Variants in HDAC4 observed in about 807,000 individuals in gnomAD.
The protein encoded by HDAC4 is histone deacetylase 4.
In HDAC4, 16 loss-of-function variants were observed where a neutral mutation model predicts 135.1. The observed-to-expected ratio is 0.12, with a 90% confidence interval of 0.08 to 0.18. HDAC4 has a LOEUF of 0.18. Among genes scored for constraint, HDAC4 ranks in the 10% least tolerant of loss-of-function variants. The probability of loss-of-function intolerance (pLI) is 1.00; values close to 1 mark genes in which losing one functional copy is unlikely to be tolerated. For synonymous variants in HDAC4, 685 were observed against 653.4 expected (o/e 1.05, Z -0.74); for missense variants, 1,143 against 1,511.8 (o/e 0.76, Z 4.05).
intron 1 of HDAC4, among the ~76,000 whole-genome samples, chr2:239,358,241 C>T (rs1371067701): frequency 1.3e-5 from 2 of 152,156 alleles, no homozygotes; most frequent in Non-Finnish European, 2.9e-5. Context: ...CCCAGTGACT[C>T]AGTAATCTGC....
rs1471791923 is a variant in HDAC4, at chr2:239,331,495, C to T, written c.22+21183G>A. On this transcript the variant is annotated intron_variant, in intron 2 of 26. Transcript: ENST00000543185. This position sits in a 1 kb window ranked among gnomAD's most constrained non-coding sequence, Gnocchi z 4.5. ...AATATGCCCAACAGTTATTTTACTG[C>T]AACATAAAGATGAATGCAAGCCTGG... Among the ~76,000 whole-genome samples the T allele has an allele frequency of 6.6e-6, 1 of 152,136 alleles. No homozygotes were observed. Among genetic ancestry groups the T allele is most frequent in the Admixed American group, 6.5e-5 (1 of 15,276 alleles).
At chr2:239,398,025 A>G (rs955394025) in intron 1 of HDAC4, among the ~76,000 whole-genome samples, 39 of 152,320 alleles carry the variant, frequency 2.6e-4, no homozygotes, top group African/African-American at 8.7e-4. Flanking sequence ...TCGGTTCCAC[A>G]GCCCCAAGCT....
At chr2:239,189,373 C>T (rs2044754728) in intron 4 of HDAC4, among the ~76,000 whole-genome samples, 1 of 151,616 alleles carries the variant, frequency 6.6e-6, no homozygotes, top group Non-Finnish European at 1.5e-5. Flanking sequence ...TTTCTTACCG[C>T]ATTTAAATTA....
chr2:239,252,267 C>T (rs561398475), intron 2 of HDAC4, among the ~76,000 whole-genome samples: 1 of 152,324 alleles, frequency 6.6e-6, no homozygotes, highest in Admixed American at 6.5e-5. Flanking sequence ...TCAGTGTGGG[C>T]CTCACCGTCA....
intron 2 of HDAC4, among the ~76,000 whole-genome samples, chr2:239,317,706 G>A (rs1445573098): frequency 6.6e-6 from 1 of 152,186 alleles, no homozygotes; most frequent in African/African-American, 2.4e-5. Context: ...CTCTTTACAG[G>A]AGAAAGTTAA....
chr2:239,180,112 G>C (rs1478770798), intron 4 of HDAC4, among the ~76,000 whole-genome samples: 4 of 152,106 alleles, frequency 2.6e-5, no homozygotes, highest in Admixed American at 1.3e-4. Flanking sequence ...CACATGAGAG[G>C]CCCGAGCCGA....
chr2:239,276,315 C>T (rs912834076), intron 2 of HDAC4, among the ~76,000 whole-genome samples: 1 of 152,218 alleles, frequency 6.6e-6, no homozygotes, highest in Non-Finnish European at 1.5e-5. Context: ...AGTCGTGGTC[C>T]CGCCAACAGA....
intron 1 of HDAC4, among the ~76,000 whole-genome samples, chr2:239,358,437 T>C: frequency 6.6e-6 from 1 of 152,214 alleles, no homozygotes; most frequent in East Asian, 1.9e-4. Flanking sequence ...GCTTACTTTC[T>C]GATTTTACAA....
At chr2:239,263,248 G>C (rs947117406) in intron 2 of HDAC4, among the ~76,000 whole-genome samples, 1 of 150,156 alleles carries the variant, frequency 6.7e-6, no homozygotes, top group Non-Finnish European at 1.5e-5. Flanking sequence ...CAGCCATCCC[G>C]AAGCCCGCCC....
chr2:239,337,433 C>T (rs752547540), intron 2 of HDAC4, among the ~76,000 whole-genome samples: 3 of 152,176 alleles, frequency 2.0e-5, no homozygotes, highest in Non-Finnish European at 4.4e-5. Context: ...CACTGCAAGT[C>T]GGTTATCGCT....
At position 239,400,834 on chromosome 2, in the gene HDAC4, C is replaced by G. The variant is rs1696935969; in HGVS notation, c.-220+144G>C. 6.9e-6 allele frequency: 1 copy of G among 145,938 alleles called. No individual in the cohort carries two copies. Among genetic ancestry groups the G allele is most frequent in the South Asian group, 1.8e-4 (1 of 5,582 alleles). The allele number at this position is 145,938 out of a possible 1,614,324, so 9.0% of individuals were successfully genotyped here. On this transcript the variant is annotated intron_variant, in intron 1 of 26. Coordinates refer to ENST00000543185, the MANE Select transcript of HDAC4 (RefSeq NM_001378414.1). This position sits in a 1 kb window ranked among gnomAD's most constrained non-coding sequence, Gnocchi z 4.7. ...CGCGGCCACGGCGCCGCCGGGGGCC[C>G]AGGCTGGGAGGCTGTTCGGGCGGCG... is the stretch of plus-strand genomic sequence containing the variant.
At chr2:239,294,727 G>A (rs1215134561) in intron 2 of HDAC4, among the ~76,000 whole-genome samples, 1 of 151,832 alleles carries the variant, frequency 6.6e-6, no homozygotes, top group Non-Finnish European at 1.5e-5. Flanking sequence ...CGGAGGCCTC[G>A]GAGGCAGCAC....
At chr2:239,215,005 C>CA (rs917702145) in intron 3 of HDAC4, among the ~76,000 whole-genome samples, 1 of 152,190 alleles carries the variant, frequency 6.6e-6, no homozygotes, top group Non-Finnish European at 1.5e-5. Flanking sequence ...GGATCGACGG[C>CA]AAGCAGGCTC....
chr2:239,396,923 C>T (rs985890716), intron 1 of HDAC4, among the ~76,000 whole-genome samples: 1 of 152,134 alleles, frequency 6.6e-6, no homozygotes, highest in Non-Finnish European at 1.5e-5. Flanking sequence ...GTCACCCCCA[C>T]CTGCCTCCAG....
chr2:239,329,164 C>T (rs1301109505), intron 2 of HDAC4, among the ~76,000 whole-genome samples: 1 of 151,990 alleles, frequency 6.6e-6, no homozygotes, highest in African/African-American at 2.4e-5. Context: ...GTGCAGCTAC[C>T]TCCCCACCAG....
intron 1 of HDAC4, among the ~76,000 whole-genome samples, chr2:239,380,604 CT>C (rs762391427): frequency 7.2e-5 from 11 of 152,134 alleles, no homozygotes; most frequent in Non-Finnish European, 1.0e-4. Context: ...TGAAAAAATT[CT>C]AGAAATTGGG....
chr2:239,049,004 GA>G lies in HDAC4; in HGVS notation c.*4092del, dbSNP rs2030414153. The G allele has an allele frequency of 6.6e-6, 1 of 151,986 alleles. No individual in the cohort carries two copies. The highest frequency in any genetic ancestry group is 6.5e-5 in the Admixed American group (1 of 15,272). 9.4% of individuals were successfully genotyped at this position (151,986 alleles called of 1,614,324 possible). ...CCTGGCCCGTGGAAGGAGATAAAAG[GA>G]AACAAACAAAACAAAACAAAACAAA... On this transcript the variant is annotated 3_prime_UTR_variant, in exon 27 of 27. Coordinates refer to ENST00000543185, the MANE Select transcript of HDAC4 (RefSeq NM_001378414.1).
chr2:239,176,612 C>T (rs2043792662), intron 4 of HDAC4, 49 bp from the exon 5 acceptor site: 6 of 1,575,300 alleles, frequency 3.8e-6, no homozygotes, highest in Non-Finnish European at 5.2e-6. Flanking sequence ...GCTCCACACA[C>T]ACACAGAGAC....
chr2:239,054,143 G>C (rs569066533), intron 25 of HDAC4, among the ~76,000 whole-genome samples: 55 of 152,220 alleles, frequency 3.6e-4, no homozygotes, highest in African/African-American at 1.3e-3. Context: ...ACAGGGAAAC[G>C]GGGAGCTGAG....
Sources: allele counts gnomAD v4.1 joint callset (sites outside exome capture counted in the v4.1 genomes callset), GRCh38; gene constraint gnomAD v4.1.1; non-coding constraint Gnocchi (gnomAD v3.1); transcripts MANE v1.5; gene names NCBI Gene and HGNC (gene_info 2026-07-23, HGNC 2026-07-21).